Variants in STX8 observed in about 807,000 individuals in gnomAD.
The protein encoded by STX8 is syntaxin 8, also known as syntaxin-8.
A neutral mutation model predicts 37.5 loss-of-function variants in STX8; 23 were observed. That is an observed-to-expected ratio of 0.61 (90% CI 0.44 to 0.87). STX8 has a LOEUF of 0.87. Ranked by LOEUF, STX8 falls within the 40% of genes least tolerant of loss-of-function variation. STX8 has a pLI of 0.00. For synonymous variants in STX8, 115 were observed against 99.1 expected (o/e 1.16, Z -0.95); for missense variants, 313 against 284.7 (o/e 1.10, Z -0.71).
chr17:9,448,252 T>C (rs1597678731), intron 6 of STX8, among the ~76,000 whole-genome samples: 2 of 152,314 alleles, frequency 1.3e-5, no homozygotes, highest in East Asian at 3.9e-4. Context: ...AAAACTTATT[T>C]GTAACCCCCA....
intron 6 of STX8, among the ~76,000 whole-genome samples, chr17:9,396,714 GAAA>G (rs368111268): frequency 9.9e-5 from 12 of 121,298 alleles, no homozygotes; most frequent in African/African-American, 3.6e-4. Context: ...AACACCATCT[GAAA>G]AAAAAAAAAA....
chr17:9,438,407 G>A (rs1904518307), intron 6 of STX8, among the ~76,000 whole-genome samples: 1 of 151,168 alleles, frequency 6.6e-6, no homozygotes, highest in South Asian at 2.1e-4. Context: ...CAGAAGTGCT[G>A]ACTCTCAGGT....
intron 7 of STX8, among the ~76,000 whole-genome samples, chr17:9,323,704 C>T (rs1365360706): frequency 2.6e-5 from 4 of 152,086 alleles, no homozygotes; most frequent in Non-Finnish European, 4.4e-5. Flanking sequence ...AGGGAGATTG[C>T]GTTACTCCAG....
intron 7 of STX8, among the ~76,000 whole-genome samples, chr17:9,315,293 CAAA>C (rs60423823): frequency 7.8e-6 from 1 of 128,802 alleles, no homozygotes; most frequent in Non-Finnish European, 1.5e-5. Context: ...ACAAAAACAA[CAAA>C]AAAAAAAAAC....
chr17:9,334,623 G>T (rs1910080214), intron 7 of STX8, among the ~76,000 whole-genome samples: 1 of 152,066 alleles, frequency 6.6e-6, no homozygotes, highest in East Asian at 1.9e-4. Flanking sequence ...TGGTTGAAAG[G>T]AATAAAAAAG....
chr17:9,252,783 A>G (rs1324164748), intron 7 of STX8, among the ~76,000 whole-genome samples: 1 of 152,060 alleles, frequency 6.6e-6, no homozygotes, highest in East Asian at 1.9e-4. Flanking sequence ...CTTCCTGTAG[A>G]TGAAAACCTC....
chr17:9,319,176 T>C (rs2142201849), intron 7 of STX8, among the ~76,000 whole-genome samples: 1 of 152,266 alleles, frequency 6.6e-6, no homozygotes, highest in East Asian at 1.9e-4. Flanking sequence ...TCCCAGGACT[T>C]TGGGAGGCCG....
At chr17:9,515,721 G>C (rs191139934) in intron 4 of STX8, among the ~76,000 whole-genome samples, 1,562 of 152,072 alleles carry the variant, frequency 0.01, 33 homozygotes, top group African/African-American at 0.035. Flanking sequence ...ATGGGGTCTC[G>C]CTATGTTGCC....
At chr17:9,551,329 T>A (rs1319254330) in intron 3 of STX8, among the ~76,000 whole-genome samples, 1 of 152,196 alleles carries the variant, frequency 6.6e-6, no homozygotes, top group South Asian at 2.1e-4. Flanking sequence ...ACTATTTTAA[T>A]ACCATCATTG....
At chr17:9,432,869 C>T (rs999001984) in intron 6 of STX8, among the ~76,000 whole-genome samples, 2 of 152,182 alleles carry the variant, frequency 1.3e-5, no homozygotes, top group African/African-American at 4.8e-5. Context: ...GGTTTACGTA[C>T]TGGAATACTA....
chr17:9,559,754 A>T lies in STX8; in HGVS notation c.118-2226T>A, dbSNP rs1209700707. ...TTATTTTATATATATATATATATAT[A>T]TATATATTTTTTTTTTTTTTTTTTT... On this transcript the variant is annotated intron_variant, in intron 2 of 7. Coordinates refer to ENST00000306357, the MANE Select transcript of STX8 (RefSeq NM_004853.3). Among the ~76,000 whole-genome samples, 12 of 33,546 alleles carry T rather than the reference A, an allele frequency of 3.6e-4. No individual in the cohort carries two copies. In the South Asian group the frequency reaches 6.8e-3, roughly 19 times the overall value. 22.0% of individuals were successfully genotyped at this position (33,546 alleles called of 152,430 possible).
At chr17:9,480,282 G>C (rs895180580) in intron 6 of STX8, among the ~76,000 whole-genome samples, 1 of 152,092 alleles carries the variant, frequency 6.6e-6, no homozygotes, top group Non-Finnish European at 1.5e-5. Flanking sequence ...TTTGTTTAAC[G>C]AATAAACAAT....
chr17:9,351,176 CTTTTTTTTTT>C (rs71135970), intron 7 of STX8, among the ~76,000 whole-genome samples: 1 of 99,814 alleles, frequency 1.0e-5, no homozygotes, highest in Non-Finnish European at 1.9e-5. Flanking sequence ...ATTTCCTTGT[CTTTTTTTTTT>C]TTTTTTTTTT....
At chr17:9,407,456 G>A (rs1485451366) in intron 6 of STX8, among the ~76,000 whole-genome samples, 1 of 152,162 alleles carries the variant, frequency 6.6e-6, no homozygotes, top group African/African-American at 2.4e-5. Flanking sequence ...GTTGACAAAA[G>A]GAGTCAAACT....
chr17:9,289,407 C>G (rs1468365074), intron 7 of STX8, among the ~76,000 whole-genome samples: 1 of 152,068 alleles, frequency 6.6e-6, no homozygotes, highest in African/African-American at 2.4e-5. Flanking sequence ...TCCTAGACAG[C>G]TACCAGTTTG....
intron 6 of STX8, among the ~76,000 whole-genome samples, chr17:9,389,996 G>A (rs535003135): frequency 7.2e-5 from 11 of 152,286 alleles, no homozygotes; most frequent in South Asian, 4.1e-4. Context: ...TTTGCCTATG[G>A]CATCCTATGG....
intron 7 of STX8, among the ~76,000 whole-genome samples, chr17:9,288,584 C>T (rs1908184694): frequency 6.6e-6 from 1 of 152,060 alleles, no homozygotes; most frequent in Non-Finnish European, 1.5e-5. Context: ...ATGCCGTGAA[C>T]CCGGGAGGTG....
intron 4 of STX8, among the ~76,000 whole-genome samples, chr17:9,544,719 G>A (rs184463565): frequency 4.6e-5 from 7 of 152,274 alleles, no homozygotes; most frequent in South Asian, 4.1e-4. Flanking sequence ...CTGGCCGGGC[G>A]CAGTGGCTCA....
At chr17:9,376,643 G>A (rs569603604) in intron 7 of STX8, among the ~76,000 whole-genome samples, 12 of 152,256 alleles carry the variant, frequency 7.9e-5, no homozygotes, top group Admixed American at 6.5e-4. Flanking sequence ...CTTTCGGTCC[G>A]CACCACCTTT....
Sources: allele counts gnomAD v4.1 joint callset (sites outside exome capture counted in the v4.1 genomes callset), GRCh38; gene constraint gnomAD v4.1.1; transcripts MANE v1.5; gene names NCBI Gene and HGNC (gene_info 2026-07-23, HGNC 2026-07-21).